The following CENPI variants were observed in gnomAD, a reference collection of about 807,000 sequenced individuals.
The protein encoded by CENPI is FSH primary response 1.
In CENPI, 4 loss-of-function variants were observed where a neutral mutation model predicts 60.4. That is an observed-to-expected ratio of 0.07 (90% CI 0.03 to 0.15). The LOEUF is 0.15. CENPI is among the 10% of genes least tolerant of loss of function. The probability of loss-of-function intolerance (pLI) is 1.00; values close to 1 mark genes in which losing one functional copy is unlikely to be tolerated. For synonymous variants in CENPI, 157 were observed against 189.4 expected (o/e 0.83, Z 1.40); for missense variants, 444 against 534.5 (o/e 0.83, Z 1.67).
intron 10 of CENPI, 36 bp from the exon 11 acceptor site, chrX:101,127,462 A>T: frequency 6.4e-6 from 7 of 1,088,891 alleles, no homozygotes; most frequent in Non-Finnish European, 6.2e-6. Context: ...TAGTCTGTTT[A>T]GTCCATTGAT....
intron 2 of CENPI, among the ~76,000 whole-genome samples, chrX:101,099,069 T>C (rs916843485): frequency 3.6e-5 from 4 of 111,690 alleles, no homozygotes; most frequent in Non-Finnish European, 7.5e-5. Context: ...TTTCTGTCTC[T>C]GTCTGTCTCT....
chrX:101,151,843 A>C (rs2090010072), intron 20 of CENPI, among the ~76,000 whole-genome samples: 2 of 99,519 alleles, frequency 2.0e-5, no homozygotes, highest in Non-Finnish European at 3.9e-5. Context: ...CAAAAAAAGA[A>C]AAAAAAAAAA....
chrX:101,119,672 A>G (rs1296464561), intron 6 of CENPI, among the ~76,000 whole-genome samples: 2 of 112,430 alleles, frequency 1.8e-5, no homozygotes, highest in Admixed American at 1.9e-4. Flanking sequence ...GGAATCAGTC[A>G]TACAATAATT....
chrX:101,173,345 G>T, the CENPI span, among the ~76,000 whole-genome samples: 2 of 70,954 alleles, frequency 2.8e-5, no homozygotes, highest in African/African-American at 1.2e-4. Context: ...TTCTGGAGGC[G>T]GGGTCTCACT....
chrX:101,136,610 G>T (rs111948011), intron 15 of CENPI, among the ~76,000 whole-genome samples: 2 of 111,873 alleles, frequency 1.8e-5, no homozygotes, highest in Admixed American at 9.5e-5. Flanking sequence ...AGTGCGTTTT[G>T]TTTGGGCCTG....
In CENPI at chrX:101,109,552, C is replaced by T. The variant is rs367699915; in HGVS notation, c.444C>T (p.Val148=). 3.3e-6 allele frequency: 4 copies of T among 1,207,846 alleles called. No homozygotes were observed. The highest frequency in any genetic ancestry group is 3.4e-6 in the Non-Finnish European group (3 of 891,883). ...CAGAAGATTCTGTGGTTAAGGCAGTCTCCTGGCTTTGTGTTGGCAAGTGTT... is the reference window on the plus strand; with the variant it reads ...CAGAAGATTCTGTGGTTAAGGCAGTTTCCTGGCTTTGTGTTGGCAAGTGTT... ...VISEDSVVKA[V]SWLCVGKCSG... The change falls in exon 5 of 22, where the codon GTC becomes GTT. Residue 148 remains valine, a synonymous_variant. Coordinates refer to ENST00000682095, the MANE Select transcript of CENPI (RefSeq NM_001386188.2).
At chrX:101,098,325 G>T (rs1486929975) in intron 1 of CENPI, 77 bp downstream of exon 1, 1 of 112,218 alleles carries the variant, frequency 8.9e-6, no homozygotes, top group Non-Finnish European at 1.9e-5. Flanking sequence ...GGACTATCCT[G>T]CAAGGTGTGA....
chrX:101,127,060 T>C, intron 9 of CENPI, 78 bp from the exon 10 acceptor site: 2 of 847,719 alleles, frequency 2.4e-6, no homozygotes, highest in Non-Finnish European at 3.3e-6. Flanking sequence ...ATATTTTCAA[T>C]TAATGAGGCA....
At chrX:101,098,590 A>G (rs1476017297) in intron 2 of CENPI, 51 bp downstream of exon 2, 1 of 111,574 alleles carries the variant, frequency 9.0e-6, no homozygotes, top group East Asian at 2.8e-4. Context: ...GCAGCCAAAA[A>G]CTTAGAAGTC....
chrX:101,099,029 GTTTCT>G (rs1270007019), intron 2 of CENPI, among the ~76,000 whole-genome samples: 3 of 107,848 alleles, frequency 2.8e-5, no homozygotes, highest in Non-Finnish European at 5.7e-5. Context: ...TGTTACTACT[GTTTCT>G]TTTCTTTTCT....
At chrX:101,143,088 C>A (rs1255996142) in intron 16 of CENPI, among the ~76,000 whole-genome samples, 1 of 76,947 alleles carries the variant, frequency 1.3e-5, no homozygotes, top group Non-Finnish European at 2.6e-5. Context: ...AAAAAAAAAG[C>A]ATATAGTTTT....
At chrX:101,172,641 A>G in the CENPI span, among the ~76,000 whole-genome samples, 2 of 111,837 alleles carry the variant, frequency 1.8e-5, no homozygotes, top group East Asian at 5.6e-4. Flanking sequence ...GTTGGCAGGT[A>G]ATGGGGAGTG....
chrX:101,178,271 T>C, the CENPI span, among the ~76,000 whole-genome samples: 1 of 111,065 alleles, frequency 9.0e-6, no homozygotes, highest in South Asian at 3.8e-4. Flanking sequence ...CTCTGTTAAA[T>C]GATCCGTTTG....
rs905880784 is a variant in CENPI, at chrX:101,101,797, C to T, written c.227-477C>T. 3.6e-4 allele frequency among the ~76,000 whole-genome samples: 40 copies of T among 112,550 alleles called. 1 individual carries two copies. The highest frequency in any genetic ancestry group is 5.6e-5 in the Non-Finnish European group (3 of 53,361). ...AATGTCAGGGCATAATCCAGCTTTC[C>T]TCACTGAAGTTGCTATCGCTGTTAA... On this transcript the variant is annotated intron_variant, in intron 3 of 21. Coordinates refer to ENST00000682095, the MANE Select transcript of CENPI (RefSeq NM_001386188.2).
At chrX:101,123,158 G>A (rs952348543) in intron 8 of CENPI, among the ~76,000 whole-genome samples, 1 of 112,100 alleles carries the variant, frequency 8.9e-6, no homozygotes, top group East Asian at 2.8e-4. Context: ...AGAAGGCATA[G>A]CTATGTTCAT....
intron 6 of CENPI, among the ~76,000 whole-genome samples, chrX:101,112,060 G>T (rs745885356): frequency 9.0e-6 from 1 of 111,650 alleles, no homozygotes; most frequent in Non-Finnish European, 1.9e-5. Flanking sequence ...CGTACGAACC[G>T]TAGTTATACA....
chrX:101,125,219 A>AT (rs1344060900), intron 8 of CENPI, among the ~76,000 whole-genome samples: 1 of 110,706 alleles, frequency 9.0e-6, no homozygotes, highest in East Asian at 2.8e-4. Flanking sequence ...CATGAATCTG[A>AT]TTTTTTTGAG....
At chrX:101,150,793 A>T (rs1471396710) in intron 20 of CENPI, among the ~76,000 whole-genome samples, 1 of 109,780 alleles carries the variant, frequency 9.1e-6, no homozygotes, top group Non-Finnish European at 1.9e-5. Flanking sequence ...TGAGATAACC[A>T]TTTCTATTGC....
chrX:101,149,190 A>G (rs923519157), intron 20 of CENPI, among the ~76,000 whole-genome samples: 1 of 112,087 alleles, frequency 8.9e-6, no homozygotes, highest in African/African-American at 3.2e-5. Flanking sequence ...AACAGAAGTC[A>G]GCAGACTTTT....
Sources: gnomAD v4.1 joint callset for allele counts (sites outside exome capture counted in the v4.1 genomes callset) on GRCh38, gnomAD v4.1.1 for gene constraint, MANE v1.5 for transcripts, NCBI Gene and HGNC (gene_info 2026-07-23, HGNC 2026-07-21) for gene names.